Variants in IFT74 observed in about 807,000 individuals in gnomAD.
The protein encoded by IFT74 is intraflagellar transport protein 74 homolog.
A neutral mutation model predicts 96.7 loss-of-function variants in IFT74; 92 were observed. The observed-to-expected ratio is 0.95, with a 90% CI of 0.80 to 1.13. IFT74 has a LOEUF of 1.13. Ranked by LOEUF, IFT74 falls within the 50% of genes most tolerant of loss-of-function variation. IFT74 has a pLI of 0.00. For synonymous variants in IFT74, 223 were observed against 213.2 expected, an observed-to-expected ratio of 1.05 and a Z score of -0.40; for missense variants, 811 against 698.2, an observed-to-expected ratio of 1.16 and a Z score of -1.82.
At chr9:26,969,603 C>G (rs1349235730) in intron 2 of IFT74, among the ~76,000 whole-genome samples, 1 of 151,498 alleles carries the variant, frequency 6.6e-6, no homozygotes, top group Non-Finnish European at 1.5e-5. Flanking sequence ...AAGCTTTGTT[C>G]CTGTCATTTT....
chr9:27,046,429 G>C (rs1049609277), intron 14 of IFT74, among the ~76,000 whole-genome samples: 1 of 152,098 alleles, frequency 6.6e-6, no homozygotes, highest in Non-Finnish European at 1.5e-5. Flanking sequence ...AATTATTTTT[G>C]ACTGAAAGTT....
intron 6 of IFT74, among the ~76,000 whole-genome samples, chr9:26,985,042 C>T (rs1003638054): frequency 2.6e-5 from 4 of 152,150 alleles, no homozygotes; most frequent in Admixed American, 2.6e-4. Context: ...GTAGCAAAGA[C>T]ATGGAATCAA....
exon 1 of IFT74, chr9:26,947,135 A>C: frequency 2.9e-6 from 4 of 1,378,108 alleles, no homozygotes; most frequent in Non-Finnish European, 3.8e-6. Context: ...GCGGCGGGAG[A>C]AGAGCCTGCA....
chr9:27,042,189 T>C (rs1819512802), intron 13 of IFT74, among the ~76,000 whole-genome samples: 1 of 152,180 alleles, frequency 6.6e-6, no homozygotes, highest in Non-Finnish European at 1.5e-5. Flanking sequence ...AGTAAGCATT[T>C]AGATTAAAGA....
intron 11 of IFT74, among the ~76,000 whole-genome samples, chr9:27,018,272 T>C (rs1175539342): frequency 6.6e-6 from 1 of 152,218 alleles, no homozygotes; most frequent in African/African-American, 2.4e-5. Context: ...TCACTATTTA[T>C]CTGAAATTCA....
intron 12 of IFT74, among the ~76,000 whole-genome samples, chr9:27,024,432 G>C (rs1245590638): frequency 6.6e-6 from 1 of 152,154 alleles, no homozygotes; most frequent in Non-Finnish European, 1.5e-5. Context: ...ACTGCAGTCT[G>C]GCTCTCAGGA....
chr9:27,064,523 C>T lies in IFT74; in HGVS notation c.*1787C>T, dbSNP rs997635443. On this transcript the variant is annotated 3_prime_UTR_variant, in exon 20 of 20. Coordinates refer to ENST00000380062, the MANE Select transcript of IFT74 (RefSeq NM_025103.4). ...GATTAGGAGCCTTTATGGATATACC[C>T]GACTGCTGAAAAACATTCATCTTTT... Among the ~76,000 whole-genome samples, 2 of 152,000 alleles carry T rather than the reference C, an allele frequency of 1.3e-5. No homozygotes were observed. The highest frequency in any genetic ancestry group is 1.9e-4 in the East Asian group (1 of 5,192).
intron 13 of IFT74, among the ~76,000 whole-genome samples, chr9:27,033,280 A>C (rs1248441795): frequency 6.6e-6 from 1 of 152,076 alleles, no homozygotes; most frequent in Admixed American, 6.6e-5. Context: ...TGCCTGGTAC[A>C]GGTGTGGTGG....
chr9:27,055,218 T>G lies in IFT74; in HGVS notation c.1334-391T>G, dbSNP rs1373072497. 2.0e-5 allele frequency among the ~76,000 whole-genome samples: 3 copies of G among 152,050 alleles called. No homozygotes were observed. In the East Asian group the frequency reaches 5.8e-4, roughly 29 times the overall value. On this transcript the variant is annotated intron_variant, in intron 16 of 19. Transcript: ENST00000380062. Reference sequence around the variant, plus strand: ...TTGATTATGTGTGCAATTATAAAATTGTGCTCAAATATATATATAATGTTT... The same window carrying G: ...TTGATTATGTGTGCAATTATAAAATGGTGCTCAAATATATATATAATGTTT...
intron 13 of IFT74, among the ~76,000 whole-genome samples, chr9:27,030,547 CAAAAAA>C (rs60150925): frequency 3.5e-5 from 4 of 115,476 alleles, no homozygotes; most frequent in African/African-American, 1.3e-4. Flanking sequence ...GACTCCGTCT[CAAAAAA>C]AAAAAAAAAA....
At chr9:26,975,351 G>C (rs756879465) in intron 2 of IFT74, among the ~76,000 whole-genome samples, 1 of 152,182 alleles carries the variant, frequency 6.6e-6, no homozygotes, top group African/African-American at 2.4e-5. Flanking sequence ...TTGGGAGACA[G>C]GGCTTTTGTC....
At position 27,056,341 on chromosome 9, in the gene IFT74, A is replaced by G. The variant is rs776752778; in HGVS notation, c.1505A>G (p.His502Arg). The stretch of plus-strand genomic sequence containing the variant: ...CTATTTGGATCTTTCTAGAAATTAC[A>G]TCAGGAGAGAATGATATTATCAACC... The part of the protein sequence containing the change: ...SSGEEKIKKL[H>R]QERMILSTHR... Residue 502 changes from histidine (H) to arginine (R), a missense_variant, in exon 18 of 20, where the codon CAT (histidine) becomes CGT (arginine). By Grantham distance (29) the His-to-Arg change is conservative. Coordinates refer to ENST00000380062, the MANE Select transcript of IFT74 (RefSeq NM_025103.4). 3 of 1,571,552 alleles carry G rather than the reference A, an allele frequency of 1.9e-6. No homozygotes were observed. The South Asian group carries it at 3.5e-5, about 18-fold the overall frequency.
intron 10 of IFT74, among the ~76,000 whole-genome samples, chr9:27,013,039 C>T (rs1242523888): frequency 6.6e-6 from 1 of 152,136 alleles, no homozygotes; most frequent in African/African-American, 2.4e-5. Flanking sequence ...TTGTGTCCTT[C>T]TTTCCAGATA....
chr9:27,038,549 T>G lies in IFT74; in HGVS notation c.1055-6193T>G, dbSNP rs369455801. On this transcript the variant is annotated intron_variant, in intron 13 of 19. Coordinates refer to ENST00000380062, the MANE Select transcript of IFT74 (RefSeq NM_025103.4). ...GTCTTGGCCTCCCAAAGTGCTGGGA[T>G]TACAGGCGTGAGCCCACCGCGCCCG... Among the ~76,000 whole-genome samples, 13 of 152,316 alleles carry G rather than the reference T, an allele frequency of 8.5e-5. No homozygotes were observed. In the South Asian group the frequency reaches 2.3e-3, roughly 27 times the overall value.
intron 10 of IFT74, among the ~76,000 whole-genome samples, chr9:27,012,721 T>A (rs931691468): frequency 7.2e-6 from 1 of 138,704 alleles, no homozygotes; most frequent in African/African-American, 2.8e-5. Flanking sequence ...TTTTTTTTTT[T>A]TTTTTTTTTT....
At chr9:26,995,323 C>G in intron 8 of IFT74, 1 of 487,008 alleles carries the variant, frequency 2.1e-6, no homozygotes, top group Non-Finnish European at 3.7e-6. Context: ...TAACTGTCAA[C>G]TACCGAGGAG....
intron 1 of IFT74, among the ~76,000 whole-genome samples, chr9:26,950,247 G>A (rs181460729): frequency 6.6e-6 from 1 of 151,856 alleles, no homozygotes; most frequent in East Asian, 1.9e-4. Flanking sequence ...GGGAGGGGGA[G>A]GTTGCAGTGA....
intron 8 of IFT74, among the ~76,000 whole-genome samples, chr9:26,991,259 T>G (rs956970167): frequency 2.0e-5 from 3 of 152,214 alleles, no homozygotes; most frequent in Non-Finnish European, 4.4e-5. Context: ...AGTTTTGCTC[T>G]GTTGCCCTTG....
intron 16 of IFT74, among the ~76,000 whole-genome samples, chr9:27,053,054 G>A (rs1158794250): frequency 2.6e-5 from 4 of 151,950 alleles, no homozygotes; most frequent in South Asian, 4.2e-4. Context: ...TAGTAGAGAC[G>A]GGGTTTCACC....
Sources: gnomAD v4.1 joint callset for allele counts (sites outside exome capture counted in the v4.1 genomes callset) on GRCh38, gnomAD v4.1.1 for gene constraint, MANE v1.5 for transcripts, NCBI Gene and HGNC (gene_info 2026-07-23, HGNC 2026-07-21) for gene names.